CDH18: variants seen among roughly 807,000 people sequenced by gnomAD.
The protein encoded by CDH18 is cadherin-18.
A neutral mutation model predicts 67.9 loss-of-function variants in CDH18; 31 were observed. That is an observed-to-expected ratio of 0.46 (90% confidence interval 0.34 to 0.62). The LOEUF (loss-of-function observed/expected upper bound fraction) is 0.62, where lower values mean the gene tolerates loss of function less well. Ranked by LOEUF, CDH18 falls within the 20% of genes least tolerant of loss-of-function variation. The pLI, the probability that CDH18 is intolerant of heterozygous loss-of-function variation, is 0.01. For missense variants in CDH18, 890 were observed against 975.5 expected (o/e 0.91, Z 1.17); for synonymous variants, 362 against 347.2 (o/e 1.04, Z -0.48).
chr5:20,412,427 T>C (rs1055322611), intron 1 of CDH18, among the ~76,000 whole-genome samples: 3 of 152,188 alleles, frequency 2.0e-5, no homozygotes, highest in Admixed American at 6.5e-5. Context: ...GGAAAGACTC[T>C]TCTGGACATT....
chr5:20,172,012 G>A (rs28557142), intron 2 of CDH18, among the ~76,000 whole-genome samples: 80,458 of 148,688 alleles, frequency 0.54, 21,933 homozygotes, highest in Middle Eastern at 0.68. Flanking sequence ...TGTAAGCTTT[G>A]TCAAAGGTCA....
chr5:20,141,356 T>G (rs1356550885), intron 2 of CDH18, among the ~76,000 whole-genome samples: 1 of 152,136 alleles, frequency 6.6e-6, no homozygotes, highest in African/African-American at 2.4e-5. Flanking sequence ...TAAAGCATCC[T>G]AACTAGGAGG....
chr5:19,585,144 AATGAACC>A (rs1236767215), intron 7 of CDH18, among the ~76,000 whole-genome samples: 3 of 152,206 alleles, frequency 2.0e-5, no homozygotes, highest in Non-Finnish European at 4.4e-5. Context: ...CACCAAATAG[AATGAACC>A]ATTAATATTA....
rs73760032 is a variant in CDH18, at chr5:19,499,886, C to A, written c.1630+3106G>T. 8.9e-3 allele frequency among the ~76,000 whole-genome samples: 1,355 copies of A among 152,138 alleles called. 18 individuals carry two copies. The highest frequency in any genetic ancestry group is 0.031 in the African/African-American group (1,272 of 41,504). On this transcript the variant is annotated intron_variant, in intron 11 of 12. Coordinates refer to ENST00000382275, the MANE Select transcript of CDH18 (RefSeq NM_004934.5). ...TTGGGAGATGTCACTAAACCAATAG[C>A]TTTCTGATCACTCATCCTGGTTTCG...
intron 2 of CDH18, among the ~76,000 whole-genome samples, chr5:20,109,137 G>A (rs1747236591): frequency 6.6e-6 from 1 of 152,028 alleles, no homozygotes; most frequent in Non-Finnish European, 1.5e-5. Context: ...ACATTTAGTT[G>A]GAATAAACAA....
At chr5:19,732,689 T>C (rs1767775803) in intron 4 of CDH18, among the ~76,000 whole-genome samples, 1 of 152,112 alleles carries the variant, frequency 6.6e-6, no homozygotes, top group African/African-American at 2.4e-5. Context: ...GTTTAATTGC[T>C]CCCACCTAAG....
At chr5:19,813,199 T>C (rs548797667) in intron 3 of CDH18, among the ~76,000 whole-genome samples, 9 of 151,900 alleles carry the variant, frequency 5.9e-5, no homozygotes, top group Non-Finnish European at 1.3e-4. Flanking sequence ...AGATGATGGG[T>C]TGATGGGTGC....
chr5:20,300,845 CAT>C (rs554227119), intron 1 of CDH18, among the ~76,000 whole-genome samples: 151 of 152,276 alleles, frequency 9.9e-4, no homozygotes, highest in African/African-American at 3.5e-3. Context: ...TATTTTAAAA[CAT>C]AGCATTTTCC....
chr5:19,632,853 C>A (rs1440558448), intron 5 of CDH18, among the ~76,000 whole-genome samples: 13 of 152,154 alleles, frequency 8.5e-5, no homozygotes, highest in Admixed American at 8.5e-4. Flanking sequence ...CCTCTGTGTT[C>A]TACAGGTGCT....
At position 20,552,350 on chromosome 5, in the gene CDH18, G is replaced by A. The variant is rs183772599; in HGVS notation, c.-580+23112C>T. 9.2e-5 allele frequency among the ~76,000 whole-genome samples: 14 copies of A among 152,126 alleles called. No homozygotes were observed. The East Asian group carries it at 1.2e-3, about 13-fold the overall frequency. On this transcript the variant is annotated intron_variant, in intron 1 of 14. Coordinates refer to the CDH18 transcript ENST00000507958. ...AAATTAGCTGGGCGTGGTCGTGGGC[G>A]CCTGTTATCCCAGCTACTTGAGAGG... is the stretch of plus-strand genomic sequence containing the variant.
At chr5:20,446,004 T>C (rs1038662592) in intron 1 of CDH18, among the ~76,000 whole-genome samples, 1 of 151,988 alleles carries the variant, frequency 6.6e-6, no homozygotes, top group Non-Finnish European at 1.5e-5. Flanking sequence ...GAAAGGATGA[T>C]GTTATTTGAT....
At chr5:19,913,100 T>G (rs1000358766) in intron 2 of CDH18, among the ~76,000 whole-genome samples, 2 of 152,108 alleles carry the variant, frequency 1.3e-5, no homozygotes, top group African/African-American at 2.4e-5. Context: ...AGGTACCGAT[T>G]TTTTAAAAGC....
chr5:19,659,837 A>T (rs1214969568), intron 5 of CDH18, among the ~76,000 whole-genome samples: 1 of 152,128 alleles, frequency 6.6e-6, no homozygotes, highest in East Asian at 1.9e-4. Flanking sequence ...CAAAATGGTG[A>T]TAAAATAATT....
chr5:20,243,341 G>C (rs1441615220), intron 2 of CDH18, among the ~76,000 whole-genome samples: 1 of 152,176 alleles, frequency 6.6e-6, no homozygotes, highest in Non-Finnish European at 1.5e-5. Flanking sequence ...AGGATTATTA[G>C]TGGACAATCA....
intron 2 of CDH18, among the ~76,000 whole-genome samples, chr5:19,963,634 C>T (rs1247747910): frequency 6.6e-6 from 1 of 152,086 alleles, no homozygotes; most frequent in African/African-American, 2.4e-5. Flanking sequence ...CCCCTTCAAC[C>T]ATGATTATAA....
chr5:20,505,112 A>G (rs1243345261), intron 1 of CDH18, among the ~76,000 whole-genome samples: 1 of 151,934 alleles, frequency 6.6e-6, no homozygotes, highest in Non-Finnish European at 1.5e-5. Context: ...AAAAATCACC[A>G]ATCTATTATA....
chr5:19,617,942 A>C (rs1750091395), intron 5 of CDH18, among the ~76,000 whole-genome samples: 1 of 152,198 alleles, frequency 6.6e-6, no homozygotes, highest in Non-Finnish European at 1.5e-5. Flanking sequence ...AATAATATTC[A>C]TATAGCAGTA....
At chr5:20,184,252 A>G (rs1393047808) in intron 2 of CDH18, among the ~76,000 whole-genome samples, 1 of 152,044 alleles carries the variant, frequency 6.6e-6, no homozygotes, top group Middle Eastern at 3.2e-3. Flanking sequence ...AAAACAAAAA[A>G]ATAATTTGTT....
At chr5:20,451,447 CA>C (rs1415046849) in intron 1 of CDH18, among the ~76,000 whole-genome samples, 1 of 151,966 alleles carries the variant, frequency 6.6e-6, no homozygotes, top group African/African-American at 2.4e-5. Context: ...ATTTAGTGGC[CA>C]AAATTTACCA....
Sources: allele counts gnomAD v4.1 joint callset (sites outside exome capture counted in the v4.1 genomes callset), GRCh38; gene constraint gnomAD v4.1.1; transcripts MANE v1.5; gene names NCBI Gene and HGNC (gene_info 2026-07-23, HGNC 2026-07-21).